The following APOD variants were observed in gnomAD, a reference collection of about 807,000 sequenced individuals.
The protein encoded by APOD is apolipoprotein D.
APOD carries 22 observed loss-of-function variants against 20.4 expected under a neutral mutation model. The observed-to-expected ratio is 1.08, with a 90% CI of 0.77 to 1.54. The LOEUF (loss-of-function observed/expected upper bound fraction) is 1.54, where lower values mean the gene tolerates loss of function less well. Among genes scored for constraint, APOD ranks in the 40% most tolerant of loss-of-function variants. APOD has a pLI of 0.00. For synonymous variants in APOD, 97 were observed against 92.4 expected, an observed-to-expected ratio of 1.05 and a Z score of -0.29; for missense variants, 223 against 229.6, an observed-to-expected ratio of 0.97 and a Z score of 0.19.
intron 1 of APOD, among the ~76,000 whole-genome samples, chr3:195,581,882 A>C (rs1453256134): frequency 1.3e-5 from 2 of 151,690 alleles, no homozygotes; most frequent in South Asian, 4.2e-4. Context: ...TGTGGTTAAA[A>C]CTCCTTGTGA....
At chr3:195,575,405 C>A (rs918838503) in intron 2 of APOD, among the ~76,000 whole-genome samples, 1 of 152,134 alleles carries the variant, frequency 6.6e-6, no homozygotes, top group East Asian at 1.9e-4. Context: ...AAGGTTAGGG[C>A]GTGGACACCT....
In APOD at chr3:195,568,833, G is replaced by GA. The variant is rs369497400; in HGVS notation, c.*66_*67insT. The GA allele has an allele frequency of 9.6e-6, 10 of 1,041,098 alleles. No individual in the cohort carries two copies. The highest frequency in any genetic ancestry group is 5.7e-5 in the Admixed American group (3 of 52,680). 64.5% of individuals were successfully genotyped at this position (1,041,098 alleles called of 1,614,324 possible). On this transcript the variant is annotated 3_prime_UTR_variant, in exon 5 of 5. Transcript: ENST00000343267. ...CGTGGTTGATTGGTTTGTCTTTATG[G>GA]GGGGGGGGTAGGGGAAAGCGAAGCA...
intron 1 of APOD, among the ~76,000 whole-genome samples, chr3:195,581,208 G>A (rs76624268): frequency 0.021 from 3,209 of 152,216 alleles, 104 homozygotes; most frequent in African/African-American, 0.073. Flanking sequence ...TGCCAGCTGG[G>A]GTTGCTGCAG....
chr3:195,581,172 G>A lies in APOD; in HGVS notation c.-34-1677C>T, dbSNP rs1475733488. 2.0e-5 allele frequency among the ~76,000 whole-genome samples: 3 copies of A among 152,122 alleles called. No homozygotes were observed. In the South Asian group the frequency reaches 6.2e-4, roughly 32 times the overall value. On this transcript the variant is annotated intron_variant, in intron 1 of 4. Transcript: ENST00000343267. ...AGGTTTTGTTGCCTGGTTTTCCAAA[G>A]AACAGTTATGTAAGGAGTGGCAGCT...
At chr3:195,578,777 G>C (rs537657881) in intron 2 of APOD, among the ~76,000 whole-genome samples, 2 of 152,264 alleles carry the variant, frequency 1.3e-5, no homozygotes, top group East Asian at 3.9e-4. Context: ...CGTGAGCTGG[G>C]GAGGGAGATT....
intron 2 of APOD, among the ~76,000 whole-genome samples, chr3:195,578,778 G>A (rs1250677889): frequency 6.6e-6 from 1 of 152,200 alleles, no homozygotes; most frequent in Non-Finnish European, 1.5e-5. Context: ...GTGAGCTGGG[G>A]AGGGAGATTC....
Position 195,573,882 on chromosome 3 carries a change from G to A in APOD, c.213C>T (p.Asn71=), listed in dbSNP as rs149672125. Reference sequence around the variant, plus strand: ...CCTGGTTTAACACTTTGATCTTTCCGTTTTCCATTAGTGAGTAGTTGGCCT... The same window carrying A: ...CCTGGTTTAACACTTTGATCTTTCCATTTTCCATTAGTGAGTAGTTGGCCT... The part of the protein sequence containing the change: ...CIQANYSLME[N]GKIKVLNQEL... The change falls in exon 3 of 5, where the codon AAC becomes AAT. Residue 71 remains asparagine (N), a synonymous_variant. Coordinates refer to ENST00000343267, the MANE Select transcript of APOD (RefSeq NM_001647.4). The A allele has an allele frequency of 5.3e-5, 85 of 1,613,992 alleles. No individual in the cohort carries two copies. Among genetic ancestry groups the A allele is most frequent in the East Asian group, 2.7e-4 (12 of 44,888 alleles).
chr3:195,569,803 T>G (rs990858005), intron 4 of APOD, among the ~76,000 whole-genome samples: 12 of 136,046 alleles, frequency 8.8e-5, no homozygotes, highest in East Asian at 2.1e-4. Context: ...TTTTTTTTTT[T>G]TTTTTTTTTT....
chr3:195,577,199 A>G (rs778293086), intron 2 of APOD: 10 of 348,158 alleles, frequency 2.9e-5, no homozygotes, highest in South Asian at 1.9e-4. Context: ...AAAAAAAAAG[A>G]AAAGAAAAGA....
At chr3:195,583,519 C>T (rs537466696) in intron 1 of APOD, among the ~76,000 whole-genome samples, 10 of 152,304 alleles carry the variant, frequency 6.6e-5, no homozygotes, top group African/African-American at 2.4e-4. Flanking sequence ...TACTGCGATG[C>T]ACCGTTGGAC....
chr3:195,572,146 A>G (rs1366567466), intron 3 of APOD, among the ~76,000 whole-genome samples: 1 of 152,250 alleles, frequency 6.6e-6, no homozygotes, highest in Non-Finnish European at 1.5e-5. Flanking sequence ...ATCACTGAAA[A>G]TAATTCAAAA....
At position 195,571,077 on chromosome 3, in the gene APOD, C is replaced by T. The variant is rs527414244; in HGVS notation, c.334+200G>A. On this transcript the variant is annotated intron_variant, in intron 4 of 4. Coordinates refer to ENST00000343267, the MANE Select transcript of APOD (RefSeq NM_001647.4). ...AGTATCCACACTGGGATGTGAGCTCCATAAGTACCAAGGCCAGCTCTGTCC... is the reference window on the plus strand; with the variant it reads ...AGTATCCACACTGGGATGTGAGCTCTATAAGTACCAAGGCCAGCTCTGTCC... The T allele has an allele frequency of 2.3e-5, 14 of 601,384 alleles. No individual in the cohort carries two copies. The South Asian group carries it at 2.7e-4, about 12-fold the overall frequency. 37.3% of individuals were successfully genotyped at this position (601,384 alleles called of 1,614,324 possible).
chr3:195,570,469 C>T (rs1301277153), intron 4 of APOD: 2 of 152,194 alleles, frequency 1.3e-5, no homozygotes, highest in African/African-American at 4.8e-5. Context: ...TTTTCTCCTC[C>T]CAGCATTCCT....
chr3:195,568,960 A>T lies in APOD; in HGVS notation c.510T>A (p.Asn170Lys). The T allele has an allele frequency of 6.2e-7, 1 of 1,614,144 alleles. No homozygotes were observed. Among genetic ancestry groups the T allele is most frequent in the Non-Finnish European group, 8.5e-7 (1 of 1,180,016 alleles). The change falls in exon 5 of 5, where the codon AAT (asparagine) becomes AAA (lysine). Residue 170 changes from asparagine (N) to lysine (K), a missense_variant. Transcript: ENST00000343267. ...CCGTCATTTTCTTGACATCAATGTT[A>T]TTAGAAGTCAGGATATTTTTTAGAG... ...VDSLKNILTS[N>K]NIDVKKMTVT... is the part of the protein sequence containing the mutation.
At position 195,569,069 on chromosome 3, in the gene APOD, C is replaced by G. The variant is rs769485747; in HGVS notation, c.401G>C (p.Cys134Ser). 53 of 1,613,986 alleles carry G rather than the reference C, an allele frequency of 3.3e-5. No homozygotes were observed. The highest frequency in any genetic ancestry group is 4.5e-5 in the Non-Finnish European group (53 of 1,180,040). Residue 134 changes from cysteine to serine, a missense_variant, in exon 5 of 5, where the codon TGT becomes TCT. Physicochemically the swap from Cys to Ser is moderately radical, Grantham distance 112 (BLOSUM62 -1). Transcript: ENST00000343267. ...DYENYALVYSCTCIIQLFHVD... is the reference protein window; with the variant it reads ...DYENYALVYSSTCIIQLFHVD... ...GTGAAAAAGTTGGATGATGCAGGTA[C>G]AGGAATACACGAGGGCATAGTTCTC...
intron 1 of APOD, among the ~76,000 whole-genome samples, chr3:195,581,840 A>G (rs958997634): frequency 6.6e-6 from 1 of 152,192 alleles, no homozygotes; most frequent in Non-Finnish European, 1.5e-5. Flanking sequence ...CCCTCTTCCA[A>G]AGATGCCTCT....
At chr3:195,571,255 C>T (rs773370036) in intron 4 of APOD, 22 bp downstream of exon 4, 2 of 1,608,588 alleles carry the variant, frequency 1.2e-6, no homozygotes, top group Non-Finnish European at 1.7e-6. Flanking sequence ...CCTGAATCCT[C>T]CTGGGAAAAG....
intron 1 of APOD, among the ~76,000 whole-genome samples, chr3:195,580,955 C>A (rs532657993): frequency 6.6e-6 from 1 of 152,328 alleles, no homozygotes; most frequent in East Asian, 1.9e-4. Flanking sequence ...TTGCCTGTAG[C>A]TTGCACACGA....
intron 1 of APOD, among the ~76,000 whole-genome samples, 170 bp downstream of exon 1, chr3:195,583,708 C>T (rs1226477343): frequency 6.6e-6 from 1 of 152,144 alleles, no homozygotes; most frequent in African/African-American, 2.4e-5. Flanking sequence ...CTGATGATAC[C>T]TACCTTGTAC....
Sources: gnomAD v4.1 joint callset for allele counts (sites outside exome capture counted in the v4.1 genomes callset) on GRCh38, gnomAD v4.1.1 for gene constraint, MANE v1.5 for transcripts, NCBI Gene and HGNC (gene_info 2026-07-23, HGNC 2026-07-21) for gene names.